CERS4: variants seen among roughly 807,000 people sequenced by gnomAD.
CERS4 encodes LAG1 homolog, ceramide synthase 4.
In CERS4, 65 loss-of-function variants were observed where a neutral mutation model predicts 51.8. The ratio of observed to expected loss-of-function variants is 1.26; its 90% CI spans 1.03 to 1.54. CERS4 has a LOEUF of 1.54. Among genes scored for constraint, CERS4 ranks in the 40% most tolerant of loss-of-function variants. The pLI is 0.00. For synonymous variants in CERS4, 228 were observed against 208.4 expected, an observed-to-expected ratio of 1.09 and a Z score of -0.81; for missense variants, 563 against 500.4, an observed-to-expected ratio of 1.13 and a Z score of -1.19.
intron 10 of CERS4, among the ~76,000 whole-genome samples, chr19:8,260,582 CAGAGT>C (rs1376493795): frequency 6.0e-5 from 9 of 150,656 alleles, no homozygotes; most frequent in Admixed American, 6.0e-4. Context: ...CCCAGAGGGG[CAGAGT>C]AAAGAGTGAG....
At chr19:8,241,198 TA>T in intron 2 of CERS4, 1 of 152,354 alleles carries the variant, frequency 6.6e-6, no homozygotes, top group Non-Finnish European at 1.5e-5. Context: ...GAAACCGTCC[TA>T]AGGGCTTGGA....
chr19:8,256,088 C>T (rs1969364715), intron 6 of CERS4, 148 bp from the exon 7 acceptor site: 3 of 984,718 alleles, frequency 3.0e-6, no homozygotes, highest in East Asian at 5.3e-5. Flanking sequence ...TGAATGAGCC[C>T]CCCAGTCGAG....
At chr19:8,249,152 ATGGGTGGATGGATGATGGG>A (rs1425387490) in intron 2 of CERS4, among the ~76,000 whole-genome samples, 1 of 141,962 alleles carries the variant, frequency 7.0e-6, no homozygotes, top group Non-Finnish European at 1.5e-5. Context: ...AGATGTTTGG[ATGGGTGGATGGATGATGGG>A]TGGGTGGACA....
At chr19:8,218,078 C>T (rs562886785) in intron 2 of CERS4, among the ~76,000 whole-genome samples, 1 of 152,304 alleles carries the variant, frequency 6.6e-6, no homozygotes, top group Admixed American at 6.5e-5. Flanking sequence ...GATTCTACTG[C>T]CTCAGCCTCC....
In CERS4 at chr19:8,209,850, G is replaced by T. The variant is rs376729751; in HGVS notation, c.-159+356G>T. 2.0e-5 allele frequency: 3 copies of T among 152,338 alleles called. No homozygotes were observed. In the East Asian group the frequency reaches 5.8e-4, roughly 29 times the overall value. 9.4% of individuals were successfully genotyped at this position (152,338 alleles called of 1,614,324 possible). A position where few individuals can be genotyped will look rare whatever the true frequency, so the allele number is the denominator to read the frequency against. On this transcript the variant is annotated intron_variant, in intron 1 of 11. Coordinates refer to ENST00000251363, the MANE Select transcript of CERS4 (RefSeq NM_024552.3). ...TGCCAGGGCTGGGGACGCAGCTGGG[G>T]CCCTGGCCTCGGAGTCCGCAGCCCG... is the stretch of plus-strand genomic sequence containing the variant.
chr19:8,249,489 C>T (rs1214440956), intron 2 of CERS4, among the ~76,000 whole-genome samples: 3 of 152,062 alleles, frequency 2.0e-5, no homozygotes, highest in African/African-American at 7.2e-5. Context: ...CTCTCTTACC[C>T]TCTTGCTTTG....
At chr19:8,233,893 G>A (rs375090439) in intron 2 of CERS4, among the ~76,000 whole-genome samples, 23 of 152,114 alleles carry the variant, frequency 1.5e-4, no homozygotes, top group Admixed American at 6.6e-4. Flanking sequence ...GGTGGCACAC[G>A]CCTGTAGTCC....
intron 3 of CERS4, among the ~76,000 whole-genome samples, chr19:8,251,686 C>G (rs936530920): frequency 4.0e-5 from 6 of 151,836 alleles, no homozygotes; most frequent in African/African-American, 1.5e-4. Context: ...AACCTGTAAT[C>G]CCAACTACTC....
In CERS4 at chr19:8,251,158, C is replaced by T. The variant is rs986709202; in HGVS notation, c.82C>T (p.Arg28Trp). ...PNVTWTELED[R>W]DGRVYPHPQD... ...TGTCACGTGGACAGAGCTAGAAGAC[C>T]GGGATGGCCGTGTCTACCCCCACCC... Residue 28 changes from arginine (R) to tryptophan (W), a missense_variant, in exon 3 of 12, where the codon CGG becomes TGG. By Grantham distance (101) the Arg-to-Trp change is moderately radical (BLOSUM62 -3). Transcript: ENST00000251363. 1.1e-5 allele frequency: 18 copies of T among 1,613,252 alleles called. No homozygotes were observed. Among genetic ancestry groups the T allele is most frequent in the African/African-American group, 5.3e-5 (4 of 74,914 alleles).
chr19:8,245,121 A>AC (rs1471993375), intron 2 of CERS4, among the ~76,000 whole-genome samples: 30 of 146,198 alleles, frequency 2.1e-4, no homozygotes, highest in Middle Eastern at 7.2e-3. Flanking sequence ...CAAAAAAAAA[A>AC]AAAAAAAAAA....
In CERS4 at chr19:8,255,646, C is replaced by G. The variant is rs2095830757; in HGVS notation, c.331C>G (p.Leu111Val). The change falls in exon 5 of 12, where the codon CTG (leucine) becomes GTG (valine). Residue 111 changes from leucine (L) to valine (V), a missense_variant. Leu to Val is a conservative substitution (Grantham distance 32, BLOSUM62 1). Transcript: ENST00000251363. ...SLLAAQCGLTLQQTQRWFRRR... is the reference protein window; with the variant it reads ...SLLAAQCGLTVQQTQRWFRRR... ...CCTGGCCGCCCAGTGTGGCCTCACG[C>G]TGCAGCAGACCCAGCGATGGTTCCG... 14 of 1,613,046 alleles carry G rather than the reference C, an allele frequency of 8.7e-6. No individual in the cohort carries two copies. The highest frequency in any genetic ancestry group is 1.2e-5 in the Non-Finnish European group (14 of 1,179,992).
intron 2 of CERS4, among the ~76,000 whole-genome samples, chr19:8,215,485 A>C (rs1472507014): frequency 1.3e-5 from 2 of 151,412 alleles, no homozygotes; most frequent in African/African-American, 4.9e-5. Flanking sequence ...TCTCAAAAAA[A>C]AAAAAACAAA....
At chr19:8,234,600 C>G (rs543075195) in intron 2 of CERS4, among the ~76,000 whole-genome samples, 1 of 130,322 alleles carries the variant, frequency 7.7e-6, no homozygotes, top group Admixed American at 9.1e-5. Context: ...ATCCCCCAGG[C>G]AGGAGTGCAG....
chr19:8,224,484 C>T (rs1033437663), intron 2 of CERS4, among the ~76,000 whole-genome samples: 2 of 152,016 alleles, frequency 1.3e-5, no homozygotes, highest in Admixed American at 6.6e-5. Context: ...GGGAGTGTCC[C>T]CTAACCCAGC....
At chr19:8,253,312 G>A (rs1217211748) in intron 3 of CERS4, among the ~76,000 whole-genome samples, 1 of 152,188 alleles carries the variant, frequency 6.6e-6, no homozygotes, top group African/African-American at 2.4e-5. Flanking sequence ...ACTGGCGGGG[G>A]GTCAGACCAG....
chr19:8,256,563 C>T (rs963008934), intron 7 of CERS4, 55 bp from the exon 8 acceptor site: 5 of 1,523,208 alleles, frequency 3.3e-6, no homozygotes, highest in Non-Finnish European at 4.5e-6. Flanking sequence ...AGCCATACCC[C>T]TGCCCGATTG....
intron 2 of CERS4, among the ~76,000 whole-genome samples, chr19:8,225,933 C>T (rs761829028): frequency 1.8e-4 from 28 of 151,944 alleles, no homozygotes; most frequent in African/African-American, 6.0e-4. Context: ...AGGTGACTCA[C>T]GCCTGTAATT....
chr19:8,235,152 G>A (rs1468100477), intron 2 of CERS4, among the ~76,000 whole-genome samples: 2 of 151,446 alleles, frequency 1.3e-5, no homozygotes, highest in Admixed American at 6.6e-5. Context: ...GGGATTACAG[G>A]CACACACCAC....
At chr19:8,259,427 C>T (rs137900630) in intron 10 of CERS4, among the ~76,000 whole-genome samples, 1 of 152,082 alleles carries the variant, frequency 6.6e-6, no homozygotes, top group East Asian at 1.9e-4. Context: ...CCGTGCAGGT[C>T]CTTGAGGGCT....
Sources: gnomAD v4.1 joint callset for allele counts (sites outside exome capture counted in the v4.1 genomes callset) on GRCh38, gnomAD v4.1.1 for gene constraint, MANE v1.5 for transcripts, NCBI Gene and HGNC (gene_info 2026-07-23, HGNC 2026-07-21) for gene names.